CIP2A: variants seen among roughly 807,000 people sequenced by gnomAD.
CIP2A encodes the protein cellular inhibitor of PP2A, also known as protein CIP2A.
A neutral mutation model predicts 110.9 loss-of-function variants in CIP2A; 103 were observed. The ratio of observed to expected loss-of-function variants is 0.93; its 90% CI spans 0.79 to 1.09. CIP2A has a LOEUF of 1.09. Ranked by LOEUF, CIP2A falls within the 50% of genes least tolerant of loss-of-function variation. CIP2A has a pLI of 0.00. For missense variants in CIP2A, 1,088 were observed against 1,038.4 expected (o/e 1.05, Z -0.66); for synonymous variants, 381 against 361.6 (o/e 1.05, Z -0.61).
At position 108,560,783 on chromosome 3, in the gene CIP2A, GTA is replaced by G; in HGVS notation, c.1691_1692del (p.Ile564ThrfsTer34). 1 of 1,612,746 alleles carries G rather than the reference GTA, an allele frequency of 6.2e-7. No individual in the cohort carries two copies. The highest frequency in any genetic ancestry group is 8.5e-7 in the Non-Finnish European group (1 of 1,179,300). On this transcript the variant is annotated frameshift_variant, in exon 14 of 21. Transcript: ENST00000295746. LOFTEE classifies it high-confidence loss of function. ...GATGATTGCCAGGGCATTTTTCTGG[GTA>G]TATGTTCTGTTTCCTGTTGTCTATA... ...NAYRQQETEH[I>X]PRKMPWQSSN...
chr3:108,585,212 C>T lies in CIP2A; in HGVS notation c.103G>A (p.Val35Ile), dbSNP rs1410655330. 2 of 1,600,928 alleles carry T rather than the reference C, an allele frequency of 1.2e-6. No homozygotes were observed. The highest frequency in any genetic ancestry group is 1.7e-6 in the Non-Finnish European group (2 of 1,173,036). ...CGTGTGAGTTTCTGTCCAGAAATTA[C>T]CTATAAAATAGTAATCAAAATGTGT... ...NATQLLRHLE[V>I]ISGQKLTRLF... The change falls in exon 2 of 21, where the codon GTA becomes ATA. Residue 35 changes from valine to isoleucine, a missense_variant and splice_region_variant. Coordinates refer to ENST00000295746, the MANE Select transcript of CIP2A (RefSeq NM_020890.3).
intron 17 of CIP2A, among the ~76,000 whole-genome samples, chr3:108,556,003 C>T (rs1396849059): frequency 6.6e-6 from 1 of 152,084 alleles, no homozygotes; most frequent in Non-Finnish European, 1.5e-5. Context: ...CCTGGTTTTA[C>T]TGTATTGAGC....
At chr3:108,557,520 G>T in intron 16 of CIP2A, 106 bp from the exon 17 acceptor site, 1 of 785,106 alleles carries the variant, frequency 1.3e-6, no homozygotes, top group South Asian at 3.1e-5. Flanking sequence ...GCTGGTATCT[G>T]TTGGGTCATG....
rs375091376 is a variant in CIP2A, at chr3:108,589,391, C to G, written c.-16G>C. ...TGGAGTCCATTGCACCGGCCGCGGCCCGGCTTAGGGACCACCACCGCCCAG... is the reference window on the plus strand; with the variant it reads ...TGGAGTCCATTGCACCGGCCGCGGCGCGGCTTAGGGACCACCACCGCCCAG... On this transcript the variant is annotated 5_prime_UTR_variant, in exon 1 of 21. Transcript: ENST00000295746. 8 of 1,596,738 alleles carry G rather than the reference C, an allele frequency of 5.0e-6. No individual in the cohort carries two copies. The African/African-American group carries it at 1.1e-4, about 21-fold the overall frequency.
In CIP2A at chr3:108,551,087, C is replaced by T. The variant is rs553932981; in HGVS notation, c.*62G>A. 2 of 630,262 alleles carry T rather than the reference C, an allele frequency of 3.2e-6. No homozygotes were observed. Among genetic ancestry groups the T allele is most frequent in the East Asian group, 6.9e-5 (2 of 29,084 alleles). 39.0% of individuals were successfully genotyped at this position (630,262 alleles called of 1,614,324 possible). On this transcript the variant is annotated 3_prime_UTR_variant, in exon 21 of 21. Transcript: ENST00000295746. ...CAAATTAACTCCCCTACCCACCCCC[C>T]CTCCAATAGATAAATACATCAAAAA...
At chr3:108,568,388 T>A in intron 9 of CIP2A, 74 bp from the exon 10 acceptor site, 1 of 1,202,212 alleles carries the variant, frequency 8.3e-7, no homozygotes, top group Non-Finnish European at 1.2e-6. Context: ...ATCACTGAAT[T>A]GTAACACTCT....
chr3:108,584,103 A>G (rs1233510626), intron 2 of CIP2A, among the ~76,000 whole-genome samples: 6 of 152,220 alleles, frequency 3.9e-5, no homozygotes, highest in Non-Finnish European at 7.4e-5. Flanking sequence ...GAATTTATCT[A>G]ATAGAAACAC....
chr3:108,560,582 C>T, intron 14 of CIP2A, 67 bp downstream of exon 14: 1 of 880,452 alleles, frequency 1.1e-6, no homozygotes, highest in African/African-American at 1.7e-5. Context: ...TGTTTAGATA[C>T]ACGTTATAAT....
rs1938786620 is a variant in CIP2A at position 108,579,418 on chromosome 3, A to G, written c.681T>C (p.His227=). Residue 227 remains histidine, a synonymous_variant, in exon 7 of 21, where the codon CAT becomes CAC. Coordinates refer to ENST00000295746, the MANE Select transcript of CIP2A (RefSeq NM_020890.3). Reference sequence around the variant, plus strand: ...GAAAAGTCTGATGAATGTTTCGAGCATGGAATAGCTTAAGGACAAATTAGA... The same window carrying G: ...GAAAAGTCTGATGAATGTTTCGAGCGTGGAATAGCTTAAGGACAAATTAGA... The part of the protein sequence containing the change: ...LNEEVGEKLF[H]ARNIHQTFQL... The G allele has an allele frequency of 1.2e-6, 2 of 1,607,996 alleles. No individual in the cohort carries two copies. Among genetic ancestry groups the G allele is most frequent in the South Asian group, 2.2e-5 (2 of 90,152 alleles).
intron 14 of CIP2A, among the ~76,000 whole-genome samples, chr3:108,560,385 C>A (rs190309812): frequency 6.6e-6 from 1 of 152,238 alleles, no homozygotes; most frequent in Admixed American, 6.5e-5. Context: ...ATTGCCCAAG[C>A]TGGTCTTGAA....
rs756479068 is a variant in CIP2A at position 108,563,216 on chromosome 3, A to G, written c.1544T>C (p.Phe515Ser). The change falls in exon 13 of 21, where the codon TTT becomes TCT. Residue 515 changes from phenylalanine (F) to serine (S), a missense_variant. Phe to Ser is a radical substitution (Grantham distance 155). Coordinates refer to ENST00000295746, the MANE Select transcript of CIP2A (RefSeq NM_020890.3). Reference sequence around the variant, plus strand: ...TTCTCTATTATCTGACGTTAAAGCAAAAGCCAAAGGAGTAATCAAACGTGG... The same window carrying G: ...TTCTCTATTATCTGACGTTAAAGCAGAAGCCAAAGGAGTAATCAAACGTGG... ...QDPRLITPLA[F>S]ALTSDNREQV... 6.2e-7 allele frequency: 1 copy of G among 1,612,316 alleles called. No individual in the cohort carries two copies. The highest frequency in any genetic ancestry group is 1.1e-5 in the South Asian group (1 of 90,982).
intron 8 of CIP2A, among the ~76,000 whole-genome samples, chr3:108,575,506 ATATATACACATACATATATACACG>A (rs1938564444): frequency 6.9e-6 from 1 of 145,536 alleles, no homozygotes; most frequent in African/African-American, 2.6e-5. Context: ...GTATATATGT[ATATATACACATACATATATACACG>A]TATATATACT....
chr3:108,583,854 A>G (rs1938963846), intron 2 of CIP2A, among the ~76,000 whole-genome samples: 1 of 152,222 alleles, frequency 6.6e-6, no homozygotes, highest in South Asian at 2.1e-4. Context: ...TATGCAGGTA[A>G]CAAAATATCA....
At chr3:108,563,508 T>C (rs191934976) in intron 12 of CIP2A, among the ~76,000 whole-genome samples, 1 of 152,194 alleles carries the variant, frequency 6.6e-6, no homozygotes, top group Non-Finnish European at 1.5e-5. Context: ...ATAAAAATTA[T>C]GCCTTATATA....
At chr3:108,553,760 C>T in intron 18 of CIP2A, 30 bp from the exon 19 acceptor site, 1 of 1,511,350 alleles carries the variant, frequency 6.6e-7, no homozygotes, top group Non-Finnish European at 9.1e-7. Context: ...TAGAAGAAAA[C>T]ATTAATGAAC....
intron 10 of CIP2A, among the ~76,000 whole-genome samples, chr3:108,566,864 C>A (rs954087243): frequency 6.6e-6 from 1 of 151,612 alleles, no homozygotes; most frequent in African/African-American, 2.4e-5. Context: ...GTTAAAACAG[C>A]GAGGATATCT....
chr3:108,581,601 A>C, intron 4 of CIP2A, 90 bp from the exon 5 acceptor site: 2 of 734,524 alleles, frequency 2.7e-6, no homozygotes, highest in Non-Finnish European at 4.5e-6. Flanking sequence ...GATATAGTTA[A>C]GTTTATACAT....
At chr3:108,570,697 C>G in intron 8 of CIP2A, among the ~76,000 whole-genome samples, 1 of 152,070 alleles carries the variant, frequency 6.6e-6, no homozygotes. Flanking sequence ...CTGGAAGTTG[C>G]TCTGGGTGAG....
chr3:108,576,439 G>A (rs1217022374), intron 7 of CIP2A, 93 bp from the exon 8 acceptor site: 3 of 655,488 alleles, frequency 4.6e-6, no homozygotes, highest in Non-Finnish European at 7.4e-6. Context: ...AAATTTATGT[G>A]TATTTTCTTT....
Sources: gnomAD v4.1 joint callset for allele counts (sites outside exome capture counted in the v4.1 genomes callset) on GRCh38, gnomAD v4.1.1 for gene constraint, MANE v1.5 for transcripts, NCBI Gene and HGNC (gene_info 2026-07-23, HGNC 2026-07-21) for gene names.